The following PPARD variants were observed in gnomAD, a reference collection of about 807,000 sequenced individuals.
PPARD encodes the protein peroxisome proliferator activated receptor delta, also known as peroxisome proliferator-activated receptor delta.
Under a neutral mutation model 39.5 loss-of-function variants are expected in PPARD, and 6 were observed. The ratio of observed to expected loss-of-function variants is 0.15; its 90% confidence interval spans 0.08 to 0.30. The LOEUF (loss-of-function observed/expected upper bound fraction) is 0.30. Ranked by LOEUF, PPARD falls within the 10% of genes least tolerant of loss-of-function variation. The pLI is 1.00. For missense variants in PPARD, 397 were observed against 596.8 expected, an observed-to-expected ratio of 0.67 and a Z score of 3.49; for synonymous variants, 210 against 231.3, an observed-to-expected ratio of 0.91 and a Z score of 0.83.
In PPARD at chr6:35,421,710, G is replaced by A. The variant is rs1038599338; in HGVS notation, c.286-110G>A. On this transcript the variant is annotated intron_variant, in intron 4 of 7. Transcript: ENST00000360694. ...CTCCCCTCCAAAAAAATTTCTTCTC[G>A]TTACTTCCAAATGTCAGGAGTGTTT... is the stretch of plus-strand genomic sequence containing the variant. 2.3e-5 allele frequency: 28 copies of A among 1,231,022 alleles called. No homozygotes were observed. The East Asian group carries it at 2.6e-4, about 11-fold the overall frequency. The allele number at this position is 1,231,022 out of a possible 1,614,324, so 76.3% of individuals were successfully genotyped here.
intron 2 of PPARD, among the ~76,000 whole-genome samples, chr6:35,367,482 C>T (rs1402839738): frequency 6.6e-6 from 1 of 152,170 alleles, no homozygotes; most frequent in East Asian, 1.9e-4. Context: ...ATCATCATTC[C>T]CTATCTGATT....
Position 35,397,456 on chromosome 6 carries a change from T to G in PPARD, c.-101-13531T>G, listed in dbSNP as rs1326113586. On this transcript the variant is annotated intron_variant, in intron 2 of 7. Coordinates refer to ENST00000360694, the MANE Select transcript of PPARD (RefSeq NM_006238.5). ...TTCTAGATTCGCTCTCCACCACATT[T>G]CTACCAATTTATGCTCATCTTGATA... The G allele has an allele frequency of 5.8e-6, 5 of 855,682 alleles. No homozygotes were observed. The African/African-American group carries it at 9.2e-5, about 16-fold the overall frequency. 53.0% of individuals were successfully genotyped at this position (855,682 alleles called of 1,614,324 possible).
At chr6:35,356,723 C>T (rs185041737) in intron 2 of PPARD, among the ~76,000 whole-genome samples, 34 of 152,316 alleles carry the variant, frequency 2.2e-4, no homozygotes, top group African/African-American at 7.5e-4. Context: ...TGTCTGCGGA[C>T]ATTGCCAAAT....
At chr6:35,365,152 AGATGGAGT>A (rs1762141295) in intron 2 of PPARD, among the ~76,000 whole-genome samples, 1 of 63,648 alleles carries the variant, frequency 1.6e-5, no homozygotes, top group African/African-American at 1.1e-4. Flanking sequence ...TTTTTTTTTG[AGATGGAGT>A]CTCGCTCTGT....
At chr6:35,386,670 G>T (rs1347045000) in intron 2 of PPARD, among the ~76,000 whole-genome samples, 1 of 152,058 alleles carries the variant, frequency 6.6e-6, no homozygotes, top group Non-Finnish European at 1.5e-5. Context: ...CTGTTGGCCT[G>T]GCAGTGGGAG....
chr6:35,359,642 T>C (rs1402750055), intron 2 of PPARD, among the ~76,000 whole-genome samples: 1 of 152,178 alleles, frequency 6.6e-6, no homozygotes, highest in Non-Finnish European at 1.5e-5. Context: ...ACAGCTGACT[T>C]CTATCCCCAC....
chr6:35,359,177 G>T (rs866456929), intron 2 of PPARD, among the ~76,000 whole-genome samples: 8 of 152,190 alleles, frequency 5.3e-5, no homozygotes, highest in Non-Finnish European at 2.9e-5. Flanking sequence ...CTGGACAGAG[G>T]GAGGGAGGAG....
At chr6:35,368,474 A>G (rs1051605887) in intron 2 of PPARD, among the ~76,000 whole-genome samples, 1 of 152,206 alleles carries the variant, frequency 6.6e-6, no homozygotes, top group African/African-American at 2.4e-5. Flanking sequence ...GGGAAAATGT[A>G]GATTCCTGGG....
chr6:35,422,190 G>A (rs1252202689), intron 5 of PPARD, among the ~76,000 whole-genome samples: 2 of 152,178 alleles, frequency 1.3e-5, no homozygotes, highest in African/African-American at 4.8e-5. Flanking sequence ...CAGGCGTGGG[G>A]TAGTGTTTAC....
intron 2 of PPARD, 79 bp from the exon 3 acceptor site, chr6:35,410,908 C>G: frequency 1.6e-6 from 2 of 1,249,162 alleles, no homozygotes; most frequent in Non-Finnish European, 1.0e-6. Flanking sequence ...GACAGCAGCC[C>G]CCAAGCGTGC....
intron 2 of PPARD, among the ~76,000 whole-genome samples, chr6:35,370,176 T>G (rs1302757091): frequency 6.6e-6 from 1 of 152,170 alleles, no homozygotes; most frequent in Non-Finnish European, 1.5e-5. Flanking sequence ...ATGCTGTCTG[T>G]GTCCTGACCC....
At position 35,420,292 on chromosome 6, in the gene PPARD, G is replaced by T. The variant is rs34551629; in HGVS notation, c.285+11G>T. Reference sequence around the variant, plus strand: ...TGTGAGGGGTGCAAGGTACGGACTGGGGGGAGCGGTGGCTGGCCACTGAGG... The same window carrying T: ...TGTGAGGGGTGCAAGGTACGGACTGTGGGGAGCGGTGGCTGGCCACTGAGG... On this transcript the variant is annotated intron_variant, in intron 4 of 7. Transcript: ENST00000360694. 1.7e-5 allele frequency: 26 copies of T among 1,531,946 alleles called. No individual in the cohort carries two copies. The highest frequency in any genetic ancestry group is 2.4e-5 in the East Asian group (1 of 41,558). 94.9% of individuals were successfully genotyped at this position (1,531,946 alleles called of 1,614,324 possible).
intron 2 of PPARD, among the ~76,000 whole-genome samples, chr6:35,368,236 T>C (rs917452321): frequency 2.0e-4 from 31 of 152,232 alleles, no homozygotes; most frequent in African/African-American, 6.3e-4. Flanking sequence ...AGGGATTTGC[T>C]AGCTTCCCCC....
intron 2 of PPARD, among the ~76,000 whole-genome samples, chr6:35,380,680 T>C (rs1370112445): frequency 1.3e-5 from 2 of 151,724 alleles, no homozygotes; most frequent in Non-Finnish European, 2.9e-5. Context: ...TTCGTAGAGA[T>C]TGGGGGTCTT....
intron 2 of PPARD, among the ~76,000 whole-genome samples, chr6:35,400,679 G>A (rs1030895150): frequency 1.3e-5 from 2 of 151,934 alleles, no homozygotes; most frequent in African/African-American, 2.4e-5. Flanking sequence ...GCACACCTGT[G>A]GTCCCAGCTA....
intron 2 of PPARD, among the ~76,000 whole-genome samples, chr6:35,378,117 C>T (rs1265300406): frequency 6.6e-6 from 1 of 152,100 alleles, no homozygotes; most frequent in African/African-American, 2.4e-5. Context: ...CCGCCTCGGC[C>T]TCCCAAAGTG....
intron 3 of PPARD, among the ~76,000 whole-genome samples, chr6:35,419,565 G>A (rs1211729383): frequency 6.6e-6 from 1 of 152,190 alleles, no homozygotes; most frequent in African/African-American, 2.4e-5. Flanking sequence ...GAATGAACTT[G>A]AGCTTCTTGA....
chr6:35,390,004 A>G (rs1290204502), intron 2 of PPARD, among the ~76,000 whole-genome samples: 1 of 152,196 alleles, frequency 6.6e-6, no homozygotes, highest in Non-Finnish European at 1.5e-5. Context: ...TAGGAATTCA[A>G]GGCTAGCCAG....
At chr6:35,361,931 G>T (rs1404255200) in intron 2 of PPARD, among the ~76,000 whole-genome samples, 2 of 152,094 alleles carry the variant, frequency 1.3e-5, no homozygotes, top group Non-Finnish European at 2.9e-5. Context: ...AACTGTATTT[G>T]GGAGCTTTGA....
Sources: gnomAD v4.1 joint callset for allele counts (sites outside exome capture counted in the v4.1 genomes callset) on GRCh38, gnomAD v4.1.1 for gene constraint, MANE v1.5 for transcripts, NCBI Gene and HGNC (gene_info 2026-07-23, HGNC 2026-07-21) for gene names.